RBFOX1: variants seen among roughly 807,000 people sequenced by gnomAD.
RBFOX1 encodes the protein RNA binding fox-1 homolog 1, also known as RNA binding protein fox-1 homolog 1.
In RBFOX1, 8 loss-of-function variants were observed where a neutral mutation model predicts 57.7. The ratio of observed to expected loss-of-function variants is 0.14; its 90% CI spans 0.08 to 0.25. The LOEUF is 0.25. Among genes scored for constraint, RBFOX1 ranks in the 10% least tolerant of loss-of-function variants. The pLI, the probability that RBFOX1 is intolerant of heterozygous loss-of-function variation, is 1.00. For synonymous variants in RBFOX1, 326 were observed against 222.4 expected, an observed-to-expected ratio of 1.47 and a Z score of -4.15; for missense variants, 611 against 548.5, an observed-to-expected ratio of 1.11 and a Z score of -1.14.
chr16:6,645,883 G>A (rs2098530190), intron 2 of RBFOX1, among the ~76,000 whole-genome samples: 2 of 151,978 alleles, frequency 1.3e-5, no homozygotes, highest in South Asian at 4.2e-4. Flanking sequence ...AAGCAAACTC[G>A]GCCTCCTTGT....
intron 3 of RBFOX1, among the ~76,000 whole-genome samples, chr16:6,852,819 T>C (rs2094140951): frequency 6.6e-6 from 1 of 150,924 alleles, no homozygotes; most frequent in African/African-American, 2.4e-5. Flanking sequence ...AGATGCATAC[T>C]GGAAACTGCT....
intron 2 of RBFOX1, among the ~76,000 whole-genome samples, chr16:6,540,134 A>G (rs2153831123): frequency 6.6e-6 from 1 of 152,082 alleles, no homozygotes; most frequent in South Asian, 2.1e-4. Flanking sequence ...TAGCATAATG[A>G]CCTGATTCTG....
At chr16:7,545,434 A>G (rs949736990) in intron 5 of RBFOX1, among the ~76,000 whole-genome samples, 122 of 152,184 alleles carry the variant, frequency 8.0e-4, no homozygotes, top group African/African-American at 2.6e-3. Flanking sequence ...ACAGATGCAC[A>G]TTAGTCAGTA....
Position 6,270,108 on chromosome 16 carries a change from A to C in RBFOX1, c.-126-46887A>C, listed in dbSNP as rs1484512415. ...GATTCACTCAAACAGACTATAGGCA[A>C]ATTAAAATTTAATTATGAAAATATT... On this transcript the variant is annotated intron_variant, in intron 1 of 15. Transcript: ENST00000550418. 2.0e-5 allele frequency among the ~76,000 whole-genome samples: 3 copies of C among 152,172 alleles called. 1 individual carries two copies. The highest frequency in any genetic ancestry group is 1.3e-4 in the Admixed American group (2 of 15,276).
At chr16:6,753,903 A>G (rs1054445370) in intron 3 of RBFOX1, among the ~76,000 whole-genome samples, 1 of 152,030 alleles carries the variant, frequency 6.6e-6, no homozygotes, top group African/African-American at 2.4e-5. Flanking sequence ...AATCATTCCC[A>G]CCAAGCTGTT....
In RBFOX1 at chr16:5,311,538, T is replaced by C. The variant is rs570623776; in HGVS notation, c.219+71433T>C. On this transcript the variant is annotated intron_variant, in intron 1 of 2. Transcript: ENST00000585867. ...ACCAGCAGTGTATAAGCGTTCTGTT[T>C]TCACCACATCCATGCCAACATCTCT... Among the ~76,000 whole-genome samples the C allele has an allele frequency of 2.6e-5, 4 of 152,334 alleles. No homozygotes were observed. The South Asian group carries it at 6.2e-4, about 24-fold the overall frequency.
chr16:5,363,558 C>G (rs367973479), intron 1 of RBFOX1, among the ~76,000 whole-genome samples: 6 of 152,202 alleles, frequency 3.9e-5, no homozygotes, highest in Non-Finnish European at 7.3e-5. Flanking sequence ...CTTTCTCCCC[C>G]TGATTGGGGA....
At chr16:7,412,113 G>A (rs939930175) in intron 4 of RBFOX1, among the ~76,000 whole-genome samples, 6 of 152,080 alleles carry the variant, frequency 3.9e-5, no homozygotes. Context: ...TTGTGAACAT[G>A]TACCATGCTA....
At chr16:5,384,251 C>G (rs980456500) in intron 1 of RBFOX1, among the ~76,000 whole-genome samples, 8 of 152,138 alleles carry the variant, frequency 5.3e-5, no homozygotes, top group African/African-American at 1.9e-4. Flanking sequence ...CACTCCCTAC[C>G]TGGACTGAAA....
chr16:6,901,438 G>C (rs1248936784), intron 3 of RBFOX1, among the ~76,000 whole-genome samples: 2 of 152,116 alleles, frequency 1.3e-5, no homozygotes, highest in South Asian at 4.2e-4. Flanking sequence ...AGTCCAAGAG[G>C]TCAAAGGGTG....
At chr16:5,981,248 G>A (rs1184653845) in intron 4 of RBFOX1, among the ~76,000 whole-genome samples, 1 of 152,238 alleles carries the variant, frequency 6.6e-6, no homozygotes, top group Admixed American at 6.5e-5. Flanking sequence ...GACAGGGATT[G>A]GAGGAGGGCT....
At position 7,334,463 on chromosome 16, in the gene RBFOX1, T is replaced by C. The variant is rs113691967; in HGVS notation, c.28-183684T>C. ...GGGTGAAGGTCGGCTGTTGGAGCTT[T>C]GTCAGACCCTCTGCCGACCCATCTG... On this transcript the variant is annotated intron_variant, in intron 4 of 15. Coordinates refer to ENST00000550418, the MANE Select transcript of RBFOX1 (RefSeq NM_018723.4). 3.1e-4 allele frequency among the ~76,000 whole-genome samples: 47 copies of C among 152,242 alleles called. 1 individual carries two copies. Among genetic ancestry groups the C allele is most frequent in the African/African-American group, 9.6e-4 (40 of 41,538 alleles).
intron 4 of RBFOX1, among the ~76,000 whole-genome samples, chr16:7,065,581 T>C (rs149794113): frequency 2.9e-4 from 44 of 152,346 alleles, no homozygotes; most frequent in Non-Finnish European, 4.4e-4. Flanking sequence ...TGTTTTAGTA[T>C]GTGTACATTG....
At chr16:6,679,271 T>G (rs2154119688) in intron 3 of RBFOX1, among the ~76,000 whole-genome samples, 1 of 152,092 alleles carries the variant, frequency 6.6e-6, no homozygotes, top group Middle Eastern at 3.4e-3. Context: ...AAAAGTGAGC[T>G]TAAAGAAAAA....
intron 3 of RBFOX1, among the ~76,000 whole-genome samples, chr16:7,029,719 A>G (rs957247646): frequency 6.6e-5 from 10 of 152,188 alleles, no homozygotes; most frequent in African/African-American, 2.2e-4. Flanking sequence ...ATAGGGTGGT[A>G]GCATCTCATG....
intron 4 of RBFOX1, among the ~76,000 whole-genome samples, chr16:7,411,564 T>C (rs539129783): frequency 6.6e-6 from 1 of 152,230 alleles, no homozygotes; most frequent in South Asian, 2.1e-4. Context: ...CAACTTCCAG[T>C]TGAGGGACAT....
intron 3 of RBFOX1, among the ~76,000 whole-genome samples, chr16:6,938,703 T>C (rs2077791569): frequency 6.6e-6 from 1 of 152,158 alleles, no homozygotes; most frequent in Non-Finnish European, 1.5e-5. Flanking sequence ...GCCAGGCTGG[T>C]CTCGAATCAC....
intron 4 of RBFOX1, among the ~76,000 whole-genome samples, chr16:7,387,952 C>G (rs895880477): frequency 5.3e-5 from 8 of 152,094 alleles, no homozygotes; most frequent in Admixed American, 1.3e-4. Context: ...GTCAAAGCAT[C>G]CCAGAGCTTA....
intron 1 of RBFOX1, among the ~76,000 whole-genome samples, chr16:6,185,949 C>T (rs117023268): frequency 6.6e-6 from 1 of 152,286 alleles, no homozygotes; most frequent in East Asian, 1.9e-4. Context: ...GGCAGACCCA[C>T]ATCTTCTTTC....
Sources: allele counts gnomAD v4.1 joint callset (sites outside exome capture counted in the v4.1 genomes callset), GRCh38; gene constraint gnomAD v4.1.1; transcripts MANE v1.5; gene names NCBI Gene and HGNC (gene_info 2026-07-23, HGNC 2026-07-21).